Variants in ARL15 observed in about 807,000 individuals in gnomAD.
The protein encoded by ARL15 is ARF like GTPase 15, also known as ADP-ribosylation factor-like protein 15.
Under a neutral mutation model 25.2 loss-of-function variants are expected in ARL15, and 19 were observed. The ratio of observed to expected loss-of-function variants is 0.75; its 90% confidence interval spans 0.53 to 1.10. ARL15 has a LOEUF of 1.10. ARL15 is among the 50% of genes least tolerant of loss of function. ARL15 has a pLI of 0.00. For synonymous variants in ARL15, 94 were observed against 86.8 expected (o/e 1.08, Z -0.46); for missense variants, 220 against 246.0 (o/e 0.89, Z 0.71).
chr5:54,014,002 C>T (rs1320097129), intron 4 of ARL15, among the ~76,000 whole-genome samples: 1 of 152,166 alleles, frequency 6.6e-6, no homozygotes, highest in Non-Finnish European at 1.5e-5. Flanking sequence ...TTCATCTGCA[C>T]AGTGGGTAAG....
intron 1 of ARL15, among the ~76,000 whole-genome samples, chr5:54,193,611 T>A (rs980657569): frequency 1.3e-5 from 2 of 151,780 alleles, no homozygotes; most frequent in Admixed American, 6.6e-5. Context: ...CCTGAATCCA[T>A]CCCCTCCACC....
At chr5:54,244,727 C>T (rs1757042623) in intron 1 of ARL15, among the ~76,000 whole-genome samples, 1 of 151,724 alleles carries the variant, frequency 6.6e-6, no homozygotes, top group Non-Finnish European at 1.5e-5. Flanking sequence ...CAGCACTGTC[C>T]CTCCCCATCA....
chr5:54,058,000 A>ATTTTTTTT (rs1750932423), intron 4 of ARL15, among the ~76,000 whole-genome samples: 1 of 136,680 alleles, frequency 7.3e-6, no homozygotes, highest in Non-Finnish European at 1.5e-5. Context: ...TTATTTATTT[A>ATTTTTTTT]TTTATTTATT....
intron 1 of ARL15, among the ~76,000 whole-genome samples, chr5:54,222,550 C>T (rs1401431895): frequency 1.3e-5 from 2 of 152,134 alleles, no homozygotes; most frequent in East Asian, 1.9e-4. Flanking sequence ...AAGCTATGCT[C>T]GTCATACAAG....
chr5:54,292,344 A>G (rs999249374), intron 1 of ARL15, among the ~76,000 whole-genome samples: 6 of 152,162 alleles, frequency 3.9e-5, no homozygotes, highest in Non-Finnish European at 7.3e-5. Flanking sequence ...TTGATATAAA[A>G]ATCTAACAAC....
chr5:54,206,941 T>G (rs1312699230), intron 1 of ARL15, among the ~76,000 whole-genome samples: 2 of 152,238 alleles, frequency 1.3e-5, no homozygotes, highest in Non-Finnish European at 2.9e-5. Context: ...AATTCTCAAG[T>G]GACCAAGATT....
intron 1 of ARL15, among the ~76,000 whole-genome samples, chr5:54,211,072 T>A (rs1756025236): frequency 6.6e-6 from 1 of 152,238 alleles, no homozygotes; most frequent in Non-Finnish European, 1.5e-5. Context: ...CTAGGATTAT[T>A]TTTATTGTTC....
chr5:53,978,711 G>A (rs1443476137), intron 4 of ARL15, among the ~76,000 whole-genome samples: 2 of 151,122 alleles, frequency 1.3e-5, no homozygotes, highest in Admixed American at 6.6e-5. Flanking sequence ...TCTGAGAAAC[G>A]TTCATATAAG....
intron 1 of ARL15, among the ~76,000 whole-genome samples, chr5:54,268,749 C>G (rs2112639109): frequency 6.6e-6 from 1 of 152,296 alleles, no homozygotes; most frequent in East Asian, 1.9e-4. Flanking sequence ...ATAAATCATG[C>G]TGCTATAAAG....
intron 4 of ARL15, among the ~76,000 whole-genome samples, chr5:53,976,839 C>T (rs531071567): frequency 1.3e-5 from 2 of 152,078 alleles, no homozygotes; most frequent in Admixed American, 6.5e-5. Context: ...GACGGGCAGC[C>T]CCTTCAAAGG....
intron 4 of ARL15, among the ~76,000 whole-genome samples, chr5:53,950,555 C>T (rs1746910781): frequency 6.6e-6 from 1 of 152,032 alleles, no homozygotes; most frequent in Non-Finnish European, 1.5e-5. Context: ...TGAGGGTAAT[C>T]GTGAAGCAAG....
intron 1 of ARL15, among the ~76,000 whole-genome samples, chr5:54,227,526 C>T (rs539011524): frequency 1.3e-5 from 2 of 152,258 alleles, no homozygotes; most frequent in African/African-American, 4.8e-5. Flanking sequence ...GAAACCAAGG[C>T]CCTCCCACTC....
At chr5:54,202,545 C>A (rs1181328447) in intron 1 of ARL15, among the ~76,000 whole-genome samples, 2 of 152,258 alleles carry the variant, frequency 1.3e-5, no homozygotes, top group Admixed American at 1.3e-4. Flanking sequence ...TAAAGGAATG[C>A]AGCCTGGCTG....
At chr5:54,298,966 C>T (rs966269994) in intron 1 of ARL15, among the ~76,000 whole-genome samples, 13 of 151,814 alleles carry the variant, frequency 8.6e-5, no homozygotes, top group African/African-American at 3.1e-4. Context: ...TGCAGTGGCA[C>T]AATCACGGCT....
At chr5:54,072,139 T>C (rs1751447493) in intron 4 of ARL15, among the ~76,000 whole-genome samples, 1 of 152,154 alleles carries the variant, frequency 6.6e-6, no homozygotes, top group African/African-American at 2.4e-5. Flanking sequence ...TGTTTTACTA[T>C]AAGAGGTTTT....
At chr5:54,020,029 G>GA (rs1328586082) in intron 4 of ARL15, among the ~76,000 whole-genome samples, 1 of 152,026 alleles carries the variant, frequency 6.6e-6, no homozygotes, top group African/African-American at 2.4e-5. Context: ...AAACTAGTAT[G>GA]AAAAAACTAA....
chr5:54,086,714 C>G (rs1301352662), intron 4 of ARL15, among the ~76,000 whole-genome samples: 1 of 151,972 alleles, frequency 6.6e-6, no homozygotes, highest in African/African-American at 2.4e-5. Flanking sequence ...ATACTAGAAG[C>G]AAAAGAAATC....
intron 1 of ARL15, among the ~76,000 whole-genome samples, chr5:54,244,520 G>A (rs1364074640): frequency 2.6e-5 from 4 of 151,962 alleles, no homozygotes; most frequent in Non-Finnish European, 4.4e-5. Context: ...TTTCTAAAAC[G>A]GGAAAAAAAG....
In ARL15 at chr5:54,085,797, G is replaced by A. The variant is rs530155977; in HGVS notation, c.462+27405C>T. Among the ~76,000 whole-genome samples, 93 of 152,210 alleles carry A rather than the reference G, an allele frequency of 6.1e-4. 2 individuals are homozygous for A. In the South Asian group the frequency reaches 0.011, roughly 19 times the overall value. On this transcript the variant is annotated intron_variant, in intron 4 of 4. Transcript: ENST00000504924. ...GGTTTTCACTAGGAGAATGGTCAGC[G>A]CCATAGGTGGTAACCACGGCTTAGA... is the stretch of plus-strand genomic sequence containing the variant.
Sources: allele counts gnomAD v4.1 joint callset (sites outside exome capture counted in the v4.1 genomes callset), GRCh38; gene constraint gnomAD v4.1.1; transcripts MANE v1.5; gene names NCBI Gene and HGNC (gene_info 2026-07-23, HGNC 2026-07-21).